PDE4D: variants seen among roughly 807,000 people sequenced by gnomAD.
The protein encoded by PDE4D is 3',5'-cyclic-AMP phosphodiesterase 4D.
Under a neutral mutation model 87.4 loss-of-function variants are expected in PDE4D, and 24 were observed. That is an observed-to-expected ratio of 0.27 (90% CI 0.20 to 0.39). The LOEUF is 0.39. Ranked by LOEUF, PDE4D falls within the 10% of genes least tolerant of loss-of-function variation. PDE4D has a pLI of 1.00. For missense variants in PDE4D, 714 were observed against 1,041.0 expected (o/e 0.69, Z 4.32); for synonymous variants, 384 against 383.2 (o/e 1.00, Z -0.02).
chr5:59,371,902 G>C (rs1440838996), intron 1 of PDE4D, among the ~76,000 whole-genome samples: 1 of 152,166 alleles, frequency 6.6e-6, no homozygotes, highest in Non-Finnish European at 1.5e-5. Context: ...TAAAGAAAAA[G>C]AGTGGTATAT....
At chr5:59,756,022 T>TA (rs1761161047) in intron 1 of PDE4D, among the ~76,000 whole-genome samples, 1 of 151,354 alleles carries the variant, frequency 6.6e-6, no homozygotes, top group Admixed American at 6.6e-5. Flanking sequence ...TTTAACTGTA[T>TA]AAAAATATTT....
chr5:59,726,942 C>A (rs1756686256), intron 1 of PDE4D, among the ~76,000 whole-genome samples: 1 of 151,936 alleles, frequency 6.6e-6, no homozygotes, highest in South Asian at 2.1e-4. Flanking sequence ...CTGCTATGTG[C>A]CAGGCAATGC....
At chr5:60,214,856 C>A (rs1332864929) in intron 1 of PDE4D, among the ~76,000 whole-genome samples, 1 of 152,114 alleles carries the variant, frequency 6.6e-6, no homozygotes, top group East Asian at 1.9e-4. Flanking sequence ...CTCTGTGCCC[C>A]AGAAGTCCTT....
chr5:60,231,776 T>C (rs1276405152), intron 1 of PDE4D, among the ~76,000 whole-genome samples: 2 of 152,012 alleles, frequency 1.3e-5, no homozygotes, highest in Non-Finnish European at 2.9e-5. Context: ...ATTCTTCGTC[T>C]TGAGCTCCTA....
intron 1 of PDE4D, among the ~76,000 whole-genome samples, chr5:59,823,793 AT>A (rs151109305): frequency 0.24 from 34,415 of 141,940 alleles, 4,773 homozygotes; most frequent in Admixed American, 0.35. Context: ...TAACCCTTCC[AT>A]TTTTTTTTTA....
At chr5:59,540,571 G>T (rs576733852) in intron 1 of PDE4D, among the ~76,000 whole-genome samples, 1 of 152,080 alleles carries the variant, frequency 6.6e-6, no homozygotes, top group South Asian at 2.1e-4. Context: ...TGATGACAGC[G>T]TAGCCCTTTG....
intron 1 of PDE4D, among the ~76,000 whole-genome samples, chr5:60,273,977 C>T (rs1040099146): frequency 6.6e-6 from 1 of 152,144 alleles, no homozygotes; most frequent in African/African-American, 2.4e-5. Flanking sequence ...ATGCATGAAA[C>T]AAGATGTGAT....
chr5:59,058,850 A>G (rs1021409466), intron 5 of PDE4D, among the ~76,000 whole-genome samples: 3 of 152,168 alleles, frequency 2.0e-5, no homozygotes, highest in South Asian at 2.1e-4. Context: ...AGAAACAAAG[A>G]ATCTCTAATA....
intron 2 of PDE4D, among the ~76,000 whole-genome samples, chr5:59,990,592 T>G (rs376388868): frequency 2.0e-5 from 3 of 152,316 alleles, no homozygotes; most frequent in African/African-American, 7.2e-5. Context: ...TTTCAAATCC[T>G]AAATTCTGAG....
intron 1 of PDE4D, among the ~76,000 whole-genome samples, chr5:60,478,953 G>C (rs1243252623): frequency 6.6e-6 from 1 of 152,162 alleles, no homozygotes; most frequent in African/African-American, 2.4e-5. Flanking sequence ...GAGCCTTCTA[G>C]TATGCTGAGT....
chr5:59,622,778 C>T (rs1445395050), intron 1 of PDE4D, among the ~76,000 whole-genome samples: 1 of 152,166 alleles, frequency 6.6e-6, no homozygotes, highest in Non-Finnish European at 1.5e-5. Context: ...AACACAGAGT[C>T]GGGTGCTGTA....
intron 1 of PDE4D, among the ~76,000 whole-genome samples, chr5:59,685,898 A>G (rs2150380739): frequency 6.6e-6 from 1 of 152,230 alleles, no homozygotes; most frequent in Middle Eastern, 3.4e-3. Flanking sequence ...TCCAGCAGCA[A>G]GACTTACCCA....
intron 1 of PDE4D, among the ~76,000 whole-genome samples, chr5:59,390,363 T>C (rs403695): frequency 0.25 from 37,726 of 152,034 alleles, 5,015 homozygotes; most frequent in East Asian, 0.39. Context: ...TCTTCACTAC[T>C]GTTTGATTTT....
intron 1 of PDE4D, among the ~76,000 whole-genome samples, chr5:59,559,193 CCTTAT>C (rs1819505069): frequency 6.6e-6 from 1 of 152,110 alleles, no homozygotes; most frequent in African/African-American, 2.4e-5. Context: ...CCATCCTTCA[CCTTAT>C]GAGATTATTA....
chr5:59,602,533 A>C (rs1294246051), intron 1 of PDE4D, among the ~76,000 whole-genome samples: 1 of 152,106 alleles, frequency 6.6e-6, no homozygotes, highest in African/African-American at 2.4e-5. Flanking sequence ...ATTAAAGATG[A>C]CACAAATGAA....
At chr5:60,014,939 C>T (rs1007818655) in intron 2 of PDE4D, among the ~76,000 whole-genome samples, 2 of 152,126 alleles carry the variant, frequency 1.3e-5, no homozygotes, top group African/African-American at 4.8e-5. Context: ...GAACAGGATC[C>T]TTTTCAGGAA....
chr5:59,928,206 T>A (rs1315602741), intron 3 of PDE4D, among the ~76,000 whole-genome samples: 1 of 152,198 alleles, frequency 6.6e-6, no homozygotes, highest in Non-Finnish European at 1.5e-5. Flanking sequence ...AGGCCAGACA[T>A]TAAAATGAAA....
intron 1 of PDE4D, among the ~76,000 whole-genome samples, chr5:60,321,300 G>A (rs1298579300): frequency 1.3e-5 from 2 of 152,160 alleles, no homozygotes; most frequent in African/African-American, 2.4e-5. Context: ...AATGGGGAAA[G>A]GATTCCCTGT....
intron 2 of PDE4D, among the ~76,000 whole-genome samples, chr5:60,167,519 C>G (rs946164746): frequency 1.2e-4 from 18 of 152,072 alleles, no homozygotes; most frequent in African/African-American, 3.9e-4. Flanking sequence ...CCGCCCGCCT[C>G]GGCCTGAACT....
Sources: gnomAD v4.1 joint callset for allele counts (sites outside exome capture counted in the v4.1 genomes callset) on GRCh38, gnomAD v4.1.1 for gene constraint, MANE v1.5 for transcripts, NCBI Gene and HGNC (gene_info 2026-07-23, HGNC 2026-07-21) for gene names.